Variants in DOCK5 observed in about 807,000 individuals in gnomAD.
The protein encoded by DOCK5 is dedicator of cytokinesis protein 5.
A neutral mutation model predicts 251.8 loss-of-function variants in DOCK5; 142 were observed. That is an observed-to-expected ratio of 0.56 (90% CI 0.49 to 0.65). DOCK5 has a LOEUF of 0.65. Ranked by LOEUF, DOCK5 falls within the 30% of genes least tolerant of loss-of-function variation. The pLI is 0.00. For missense variants in DOCK5, 2,111 were observed against 2,312.3 expected (o/e 0.91, Z 1.79); for synonymous variants, 842 against 835.5 (o/e 1.01, Z -0.13).
intron 45 of DOCK5, 62 bp from the exon 46 acceptor site, chr8:25,399,849 C>G: frequency 7.5e-7 from 1 of 1,338,968 alleles, no homozygotes; most frequent in South Asian, 1.3e-5. Flanking sequence ...TTTCACCCTT[C>G]CAGGCTTTCC....
chr8:25,406,636 A>ATT (rs948086242), intron 48 of DOCK5, among the ~76,000 whole-genome samples: 1 of 150,068 alleles, frequency 6.7e-6, no homozygotes, highest in East Asian at 2.0e-4. Flanking sequence ...TTATTTATGT[A>ATT]TTTTTTTTTG....
chr8:25,260,351 C>G (rs1803543845), intron 2 of DOCK5, among the ~76,000 whole-genome samples: 1 of 148,362 alleles, frequency 6.7e-6, no homozygotes, highest in African/African-American at 2.6e-5. Flanking sequence ...TGGGGTGCCG[C>G]CCACCCCCGC....
At chr8:25,287,142 A>G (rs962386336) in intron 5 of DOCK5, among the ~76,000 whole-genome samples, 3 of 152,196 alleles carry the variant, frequency 2.0e-5, no homozygotes, top group African/African-American at 7.2e-5. Context: ...CTTTGTGTTT[A>G]TCTCTAGACA....
At chr8:25,215,510 C>T (rs562452707) in intron 1 of DOCK5, among the ~76,000 whole-genome samples, 1 of 152,162 alleles carries the variant, frequency 6.6e-6, no homozygotes, top group South Asian at 2.1e-4. Context: ...GCAACTTGTC[C>T]ACTATGTGAC....
chr8:25,293,802 G>A (rs903913710), intron 6 of DOCK5, among the ~76,000 whole-genome samples: 12 of 152,100 alleles, frequency 7.9e-5, no homozygotes, highest in African/African-American at 2.4e-4. Context: ...TCAGGAGTTC[G>A]AGACCAACCT....
At chr8:25,396,778 GT>G (rs1801353656) in intron 45 of DOCK5, among the ~76,000 whole-genome samples, 1 of 74,528 alleles carries the variant, frequency 1.3e-5, no homozygotes, top group African/African-American at 4.6e-5. Flanking sequence ...GTGTGTGTGT[GT>G]GTGTGTGTGT....
Position 25,275,356 on chromosome 8 carries a change from G to T in DOCK5, c.169-30G>T, listed in dbSNP as rs748553453. 3.8e-6 allele frequency: 6 copies of T among 1,572,082 alleles called. No individual in the cohort carries two copies. In the East Asian group the frequency reaches 1.1e-4, roughly 30 times the overall value. On this transcript the variant is annotated intron_variant, in intron 3 of 51. Transcript: ENST00000276440. ...GTTTGGTTTTTGTTTTGTTTTTATG[G>T]CCATATAACCAAAATTCTTTTCTCT...
intron 40 of DOCK5, chr8:25,388,794 C>T (rs1223590639): frequency 2.9e-5 from 8 of 273,600 alleles, no homozygotes; most frequent in African/African-American, 1.1e-4. Flanking sequence ...GCACAAGTTC[C>T]GTATTTCCTT....
At chr8:25,397,250 C>T (rs772145512) in intron 45 of DOCK5, among the ~76,000 whole-genome samples, 8 of 151,898 alleles carry the variant, frequency 5.3e-5, no homozygotes, top group Non-Finnish European at 1.0e-4. Context: ...AAATGCCTGA[C>T]TCACAAGATA....
Position 25,302,319 on chromosome 8 carries a change from C to T in DOCK5, c.847-6C>T, listed in dbSNP as rs1370468066. ...ACCTCCTCTCACACTTTCTCTGCCC[C>T]TTTAGGACCTTAGCAGCATGGACCT... is the stretch of plus-strand genomic sequence containing the variant. On this transcript the variant is annotated splice_region_variant and splice_polypyrimidine_tract_variant and intron_variant, in intron 9 of 51. Coordinates refer to ENST00000276440, the MANE Select transcript of DOCK5 (RefSeq NM_024940.8). The T allele has an allele frequency of 1.2e-6, 2 of 1,604,154 alleles. No homozygotes were observed. The highest frequency in any genetic ancestry group is 1.7e-6 in the Non-Finnish European group (2 of 1,174,812).
intron 1 of DOCK5, among the ~76,000 whole-genome samples, chr8:25,234,541 A>T (rs1380891809): frequency 6.6e-6 from 1 of 152,210 alleles, no homozygotes; most frequent in Non-Finnish European, 1.5e-5. Flanking sequence ...TAAGGAAGAT[A>T]TTCATTGAGA....
At chr8:25,411,163 T>G in intron 51 of DOCK5, 31 bp from the exon 52 acceptor site, 1 of 1,514,556 alleles carries the variant, frequency 6.6e-7, no homozygotes, top group Admixed American at 2.3e-5. Context: ...AGCTAAGACC[T>G]GCTTCTAATT....
chr8:25,391,920 G>A lies in DOCK5; in HGVS notation c.4380G>A (p.Gln1460=), dbSNP rs1801266218. 6.2e-7 allele frequency: 1 copy of A among 1,613,788 alleles called. No homozygotes were observed. The highest frequency in any genetic ancestry group is 1.3e-5 in the African/African-American group (1 of 74,938). Reference sequence around the variant, plus strand: ...GCTACTACAGAGCCAATGAAGTGCAGCAGTTCAGATACTCCCGGCCGTTCC... The same window carrying A: ...GCTACTACAGAGCCAATGAAGTGCAACAGTTCAGATACTCCCGGCCGTTCC... The part of the protein sequence containing the change: ...ILNYYRANEV[Q]QFRYSRPFRK... Residue 1460 remains glutamine (Q), a synonymous_variant, in exon 43 of 52, where the codon CAG becomes CAA. Coordinates refer to ENST00000276440, the MANE Select transcript of DOCK5 (RefSeq NM_024940.8).
At chr8:25,355,649 C>T (rs1333881661) in intron 27 of DOCK5, among the ~76,000 whole-genome samples, 1 of 152,008 alleles carries the variant, frequency 6.6e-6, no homozygotes, top group African/African-American at 2.4e-5. Context: ...GAGGTTTTGC[C>T]ATGTTGGCCG....
chr8:25,308,954 AC>A (rs755722245), intron 12 of DOCK5, 29 bp downstream of exon 12: 1 of 1,525,306 alleles, frequency 6.6e-7, no homozygotes, highest in African/African-American at 1.4e-5. Context: ...GCTGGGAGGG[AC>A]TCTGCTGAGG....
rs1317357490 is a variant in DOCK5 at position 25,389,305 on chromosome 8, T to C, written c.4273+73T>C. The stretch of plus-strand genomic sequence containing the variant: ...ACAGCCCCAGCTAAGCCAGAGAACA[T>C]AGGAGCTACAGTCCCTTCTCTGCAG... On this transcript the variant is annotated intron_variant, in intron 41 of 51. Transcript: ENST00000276440. The C allele has an allele frequency of 2.6e-6, 4 of 1,549,512 alleles. No homozygotes were observed. In the African/African-American group the frequency reaches 4.1e-5, roughly 16 times the overall value.
Position 25,270,821 on chromosome 8 carries a change from A to C in DOCK5, c.168+1936A>C, listed in dbSNP as rs1251532012. 4.2e-6 allele frequency: 3 copies of C among 712,904 alleles called. No individual in the cohort carries two copies. The South Asian group carries it at 4.4e-5, about 11-fold the overall frequency. The allele number at this position is 712,904 out of a possible 1,614,324, so 44.2% of individuals were successfully genotyped here. On this transcript the variant is annotated intron_variant, in intron 3 of 51. Coordinates refer to ENST00000276440, the MANE Select transcript of DOCK5 (RefSeq NM_024940.8). ...GGTTCCAGGACCCCCACAATACCGA[A>C]ATCCATGGATGCTCAAGTCTCTGAT...
chr8:25,274,708 A>C (rs575960346), intron 3 of DOCK5, among the ~76,000 whole-genome samples: 1 of 152,332 alleles, frequency 6.6e-6, no homozygotes, highest in African/African-American at 2.4e-5. Flanking sequence ...CATTTGGTTT[A>C]AGTGGGAGTG....
intron 3 of DOCK5, 139 bp from the exon 4 acceptor site, chr8:25,275,247 G>A: frequency 1.7e-6 from 1 of 594,932 alleles, no homozygotes; most frequent in South Asian, 2.4e-5. Flanking sequence ...AACGTAAGTG[G>A]TGTCCTGCCA....
Sources: gnomAD v4.1 joint callset for allele counts (sites outside exome capture counted in the v4.1 genomes callset) on GRCh38, gnomAD v4.1.1 for gene constraint, MANE v1.5 for transcripts, NCBI Gene and HGNC (gene_info 2026-07-23, HGNC 2026-07-21) for gene names.